The following CFAP299 variants were observed in gnomAD, a reference collection of about 807,000 sequenced individuals.
CFAP299 encodes the protein cilia and flagella associated protein 299.
Under a neutral mutation model 27.0 loss-of-function variants are expected in CFAP299, and 21 were observed. The ratio of observed to expected loss-of-function variants is 0.78; its 90% CI spans 0.55 to 1.12. The LOEUF (loss-of-function observed/expected upper bound fraction) is 1.12, where lower values mean the gene tolerates loss of function less well. Ranked by LOEUF, CFAP299 falls within the 50% of genes most tolerant of loss-of-function variation. CFAP299 has a pLI of 0.00. For synonymous variants in CFAP299, 104 were observed against 98.1 expected (o/e 1.06, Z -0.36); for missense variants, 310 against 276.6 (o/e 1.12, Z -0.86).
At chr4:80,390,546 CATATATGT>C (rs1169863844) in intron 2 of CFAP299, among the ~76,000 whole-genome samples, 19 of 21,732 alleles carry the variant, frequency 8.7e-4, no homozygotes, top group Admixed American at 2.9e-3. Context: ...TGTATACACA[CATATATGT>C]ATATATGTAT....
chr4:80,619,957 ATT>A (rs1560660052), intron 3 of CFAP299, among the ~76,000 whole-genome samples: 2 of 152,080 alleles, frequency 1.3e-5, no homozygotes, highest in African/African-American at 4.8e-5. Flanking sequence ...ATAGAAACAT[ATT>A]GTTATATTAA....
intron 2 of CFAP299, among the ~76,000 whole-genome samples, chr4:80,399,694 G>T (rs1437606608): frequency 7.8e-6 from 1 of 128,572 alleles, no homozygotes; most frequent in Non-Finnish European, 1.6e-5. Flanking sequence ...CCTGTTTTGA[G>T]GTGGGGGAGG....
At chr4:80,501,630 T>C (rs555752621) in intron 2 of CFAP299, among the ~76,000 whole-genome samples, 179 of 150,954 alleles carry the variant, frequency 1.2e-3, no homozygotes, top group African/African-American at 4.1e-3. Context: ...AGAAGATATT[T>C]TTTCATGTAA....
rs886252565 is a variant in CFAP299, at chr4:80,782,652, A to G, written c.334-87341A>G. ...TCATATATAATATACATATATGAAT[A>G]TATAATATATTCATATATAATATAC... On this transcript the variant is annotated intron_variant, in intron 3 of 5. Transcript: ENST00000358105. Among the ~76,000 whole-genome samples the G allele has an allele frequency of 6.5e-4, 82 of 125,230 alleles. 2 individuals are homozygous for G. The highest frequency in any genetic ancestry group is 1.2e-3 in the Non-Finnish European group (69 of 58,194). 82.2% of individuals were successfully genotyped at this position (125,230 alleles called of 152,430 possible).
chr4:80,884,902 G>A (rs754821878), intron 4 of CFAP299, among the ~76,000 whole-genome samples: 4 of 152,068 alleles, frequency 2.6e-5, no homozygotes, highest in Non-Finnish European at 5.9e-5. Flanking sequence ...CCAAAACTCC[G>A]ATAAGCAATC....
chr4:80,584,118 G>T (rs1467998096), intron 3 of CFAP299, among the ~76,000 whole-genome samples: 1 of 151,994 alleles, frequency 6.6e-6, no homozygotes, highest in African/African-American at 2.4e-5. Context: ...TAGGAAGTAG[G>T]CTGACAGAGG....
intron 3 of CFAP299, among the ~76,000 whole-genome samples, chr4:80,693,894 A>G (rs892028724): frequency 6.6e-6 from 1 of 152,020 alleles, no homozygotes; most frequent in Non-Finnish European, 1.5e-5. Flanking sequence ...TTTGCAATAA[A>G]AATTTGTAAA....
At chr4:80,492,923 G>A (rs1731214238) in intron 2 of CFAP299, among the ~76,000 whole-genome samples, 1 of 152,108 alleles carries the variant, frequency 6.6e-6, no homozygotes, top group Non-Finnish European at 1.5e-5. Context: ...GCCCGATAAA[G>A]GAGGCTGTTA....
chr4:80,593,945 G>A (rs1431736571), intron 3 of CFAP299, among the ~76,000 whole-genome samples: 1 of 151,922 alleles, frequency 6.6e-6, no homozygotes, highest in Non-Finnish European at 1.5e-5. Flanking sequence ...TTTTAATCAT[G>A]AGTTATCCAA....
At chr4:80,399,379 G>C (rs1222750943) in intron 2 of CFAP299, among the ~76,000 whole-genome samples, 1 of 152,056 alleles carries the variant, frequency 6.6e-6, no homozygotes. Flanking sequence ...CTGCTATACA[G>C]ACACATGCAC....
chr4:80,385,478 AGCAAGCCCCTG>A (rs1724923372), intron 2 of CFAP299, among the ~76,000 whole-genome samples: 1 of 151,972 alleles, frequency 6.6e-6, no homozygotes, highest in East Asian at 1.9e-4. Flanking sequence ...ACATTTATTG[AGCAAGCCCCTG>A]GCATATTTCA....
chr4:80,360,037 G>A (rs531778028), intron 1 of CFAP299, among the ~76,000 whole-genome samples: 32 of 152,264 alleles, frequency 2.1e-4, no homozygotes, highest in African/African-American at 7.2e-4. Flanking sequence ...TGAGGGTTTG[G>A]CTATGGTATA....
chr4:80,390,193 G>A (rs1303055347), intron 2 of CFAP299, among the ~76,000 whole-genome samples: 2 of 151,504 alleles, frequency 1.3e-5, no homozygotes, highest in African/African-American at 4.9e-5. Context: ...ATTAACTATA[G>A]TTGCTATTCC....
intron 4 of CFAP299, among the ~76,000 whole-genome samples, chr4:80,886,996 T>C (rs1201329966): frequency 6.6e-6 from 1 of 151,926 alleles, no homozygotes; most frequent in East Asian, 1.9e-4. Flanking sequence ...AAAGTATTAG[T>C]AAGCTTGAAA....
At chr4:80,724,225 TA>T (rs1723012350) in intron 3 of CFAP299, among the ~76,000 whole-genome samples, 1 of 152,058 alleles carries the variant, frequency 6.6e-6, no homozygotes, top group African/African-American at 2.4e-5. Context: ...GAAATAATGT[TA>T]AAAGAAAAGT....
chr4:80,404,211 A>G (rs1036710988), intron 2 of CFAP299, among the ~76,000 whole-genome samples: 1 of 152,002 alleles, frequency 6.6e-6, no homozygotes, highest in Non-Finnish European at 1.5e-5. Flanking sequence ...CAATCTAAAT[A>G]TATAATATTA....
chr4:80,780,949 A>G (rs1457264133), intron 3 of CFAP299, among the ~76,000 whole-genome samples: 9 of 151,882 alleles, frequency 5.9e-5, no homozygotes, highest in Admixed American at 5.9e-4. Flanking sequence ...CCTTTGTGAC[A>G]ACCTTCTTCC....
chr4:80,397,825 A>G (rs1265221921), intron 2 of CFAP299, among the ~76,000 whole-genome samples: 3 of 152,196 alleles, frequency 2.0e-5, no homozygotes, highest in Non-Finnish European at 4.4e-5. Context: ...TAGTGTTGGA[A>G]GTTCTGGCCA....
chr4:80,689,711 A>G (rs1418920356), intron 3 of CFAP299, among the ~76,000 whole-genome samples: 1 of 152,212 alleles, frequency 6.6e-6, no homozygotes, highest in African/African-American at 2.4e-5. Context: ...TTAAATGTAA[A>G]TGGACTAAAT....
Sources: gnomAD v4.1 joint callset for allele counts (sites outside exome capture counted in the v4.1 genomes callset) on GRCh38, gnomAD v4.1.1 for gene constraint, MANE v1.5 for transcripts, NCBI Gene and HGNC (gene_info 2026-07-23, HGNC 2026-07-21) for gene names.